Variants in GOLM1 observed in about 807,000 individuals in gnomAD.
The protein encoded by GOLM1 is golgi membrane protein 1, also known as epididymis luminal protein 46.
A neutral mutation model predicts 50.5 loss-of-function variants in GOLM1; 31 were observed. The observed-to-expected ratio is 0.61, with a 90% CI of 0.46 to 0.83. The LOEUF (loss-of-function observed/expected upper bound fraction) is 0.83, where lower values mean the gene tolerates loss of function less well. Among genes scored for constraint, GOLM1 ranks in the 40% least tolerant of loss-of-function variants. The pLI, the probability that GOLM1 is intolerant of heterozygous loss-of-function variation, is 0.00. For missense variants in GOLM1, 491 were observed against 501.3 expected (o/e 0.98, Z 0.20); for synonymous variants, 178 against 192.8 (o/e 0.92, Z 0.64).
At chr9:86,046,155 A>G (rs1485189516) in intron 5 of GOLM1, among the ~76,000 whole-genome samples, 2 of 152,206 alleles carry the variant, frequency 1.3e-5, no homozygotes, top group African/African-American at 2.4e-5. Context: ...TAGTCAACGA[A>G]TTTGATTTAG....
In GOLM1 at chr9:86,027,629, C is replaced by T. The variant is rs777283751; in HGVS notation, c.*188G>A. ...ACCTTATTAGACACTTCCAAAGTAC[C>T]CCCCAAAAGCTGTTTAAAAGACCAT... On this transcript the variant is annotated 3_prime_UTR_variant, in exon 10 of 10. Coordinates refer to ENST00000388712, the MANE Select transcript of GOLM1 (RefSeq NM_016548.4). The T allele has an allele frequency of 1.5e-6, 2 of 1,360,858 alleles. No individual in the cohort carries two copies. Among genetic ancestry groups the T allele is most frequent in the African/African-American group, 1.5e-5 (1 of 66,620 alleles). The allele number at this position is 1,360,858 out of a possible 1,614,324, so 84.3% of individuals were successfully genotyped here.
chr9:86,050,550 G>A (rs1403632025), intron 4 of GOLM1, among the ~76,000 whole-genome samples: 1 of 152,106 alleles, frequency 6.6e-6, no homozygotes, highest in East Asian at 1.9e-4. Flanking sequence ...GCCTGTTATT[G>A]GTCTATTCAG....
chr9:86,026,607 C>T lies in GOLM1; in HGVS notation c.*1210G>A. The T allele has an allele frequency of 2.0e-6, 2 of 980,504 alleles. No homozygotes were observed. Among genetic ancestry groups the T allele is most frequent in the Non-Finnish European group, 2.4e-6 (2 of 825,528 alleles). The allele number at this position is 980,504 out of a possible 1,614,324, so 60.7% of individuals were successfully genotyped here. ...CAAATCCTGTGGATCCTCCTACTTA[C>T]CCCTTAGAGAGCCTTACTGGGAAGT... On this transcript the variant is annotated 3_prime_UTR_variant, in exon 10 of 10. Transcript: ENST00000388712.
In GOLM1 at chr9:86,027,800, T is replaced by G; in HGVS notation, c.*17A>C. ...ATCTCTTCGGCCCTGTTGTGAAATA[T>G]GTGATTCCAGTTCAATTCAGAGTGT... On this transcript the variant is annotated 3_prime_UTR_variant, in exon 10 of 10. Transcript: ENST00000388712. 6.2e-7 allele frequency: 1 copy of G among 1,611,586 alleles called. No individual in the cohort carries two copies. Among genetic ancestry groups the G allele is most frequent in the Non-Finnish European group, 8.5e-7 (1 of 1,178,532 alleles).
chr9:86,088,420 G>GTGTGTATATATA (rs1157260470), intron 1 of GOLM1, among the ~76,000 whole-genome samples: 1 of 86,306 alleles, frequency 1.2e-5, no homozygotes, highest in African/African-American at 5.8e-5. Context: ...TTTGAAGGGT[G>GTGTGTATATATA]TATATATATA....
chr9:86,065,420 A>G (rs890616305), intron 3 of GOLM1, among the ~76,000 whole-genome samples: 1 of 152,234 alleles, frequency 6.6e-6, no homozygotes, highest in African/African-American at 2.4e-5. Flanking sequence ...CACAGCGATT[A>G]AAGGTGATAA....
chr9:86,070,179 G>A (rs185457442), intron 3 of GOLM1, among the ~76,000 whole-genome samples: 24 of 152,108 alleles, frequency 1.6e-4, no homozygotes, highest in Non-Finnish European at 2.4e-4. Flanking sequence ...CACCGTGTCC[G>A]ACCTAAAGCC....
intron 3 of GOLM1, among the ~76,000 whole-genome samples, chr9:86,062,433 A>G (rs546417076): frequency 6.6e-6 from 1 of 150,524 alleles, no homozygotes; most frequent in East Asian, 2.0e-4. Context: ...GGAGAGAGCA[A>G]AGGATGGTGA....
Position 86,035,630 on chromosome 9 carries a change from G to A in GOLM1, c.758-5C>T. ...CCTGGATCTCATTGGTTTCCTCTGT[G>A]CACAGAACACAGTTAGCTGTGACCT... On this transcript the variant is annotated splice_region_variant and splice_polypyrimidine_tract_variant and intron_variant, in intron 7 of 9. Transcript: ENST00000388712. 1 of 1,556,688 alleles carries A rather than the reference G, an allele frequency of 6.4e-7. No individual in the cohort carries two copies. Among genetic ancestry groups the A allele is most frequent in the Non-Finnish European group, 8.7e-7 (1 of 1,145,424 alleles).
chr9:86,041,804 G>C (rs192631248), intron 5 of GOLM1, among the ~76,000 whole-genome samples: 1 of 152,168 alleles, frequency 6.6e-6, no homozygotes, highest in African/African-American at 2.4e-5. Context: ...TAGGGGGTCT[G>C]TGCTAAGTGG....
At chr9:86,031,786 C>T (rs1832991874) in intron 9 of GOLM1, among the ~76,000 whole-genome samples, 1 of 151,626 alleles carries the variant, frequency 6.6e-6, no homozygotes, top group Non-Finnish European at 1.5e-5. Flanking sequence ...AAGAACATTC[C>T]AATTAACAAA....
chr9:86,061,390 A>C (rs780017979), intron 3 of GOLM1, among the ~76,000 whole-genome samples: 1 of 152,112 alleles, frequency 6.6e-6, no homozygotes, highest in Non-Finnish European at 1.5e-5. Context: ...TTGTAATTTC[A>C]CTCCTAAAAT....
rs1833762374 is a variant in GOLM1 at position 86,051,830 on chromosome 9, C to A, written c.364+707G>T. ...CATTTCACAAAGTGACCCCTTTTCACATAAGACTTTTTAATATTCTTAGAA... is the reference window on the plus strand; with the variant it reads ...CATTTCACAAAGTGACCCCTTTTCAAATAAGACTTTTTAATATTCTTAGAA... On this transcript the variant is annotated intron_variant, in intron 4 of 9. Transcript: ENST00000388712. Among the ~76,000 whole-genome samples the A allele has an allele frequency of 2.6e-5, 4 of 152,272 alleles. No individual in the cohort carries two copies. The South Asian group carries it at 8.3e-4, about 32-fold the overall frequency.
At chr9:86,065,666 C>T (rs1292935121) in intron 3 of GOLM1, among the ~76,000 whole-genome samples, 1 of 152,178 alleles carries the variant, frequency 6.6e-6, no homozygotes, top group African/African-American at 2.4e-5. Flanking sequence ...CTTCCATGAC[C>T]TCTCTGGCTC....
intron 9 of GOLM1, among the ~76,000 whole-genome samples, chr9:86,031,449 GTTTTTT>G (rs774806772): frequency 2.5e-5 from 2 of 79,498 alleles, no homozygotes; most frequent in African/African-American, 4.5e-5. Flanking sequence ...TACCACTGAG[GTTTTTT>G]TTTTTTTTTT....
At chr9:86,061,571 T>C (rs559203661) in intron 3 of GOLM1, among the ~76,000 whole-genome samples, 6 of 152,216 alleles carry the variant, frequency 3.9e-5, no homozygotes, top group Non-Finnish European at 8.8e-5. Flanking sequence ...CTTGAAGACC[T>C]GAGACTGTGG....
At chr9:86,059,229 G>GA (rs1834082139) in intron 3 of GOLM1, among the ~76,000 whole-genome samples, 1 of 152,060 alleles carries the variant, frequency 6.6e-6, no homozygotes, top group South Asian at 2.1e-4. Context: ...ATCCCCACTG[G>GA]AAAACCTGTC....
intron 4 of GOLM1, among the ~76,000 whole-genome samples, chr9:86,048,443 C>T (rs1053728431): frequency 7.9e-5 from 12 of 152,138 alleles, no homozygotes; most frequent in Admixed American, 3.9e-4. Context: ...CTTGAGGAAT[C>T]GCCACACTGT....
At chr9:86,075,588 C>T (rs572458269) in intron 3 of GOLM1, among the ~76,000 whole-genome samples, 5 of 152,272 alleles carry the variant, frequency 3.3e-5, no homozygotes, top group East Asian at 1.9e-4. Context: ...ACTTTAAACC[C>T]GGGTCTGCCT....
Sources: gnomAD v4.1 joint callset for allele counts (sites outside exome capture counted in the v4.1 genomes callset) on GRCh38, gnomAD v4.1.1 for gene constraint, MANE v1.5 for transcripts, NCBI Gene and HGNC (gene_info 2026-07-23, HGNC 2026-07-21) for gene names.